Variants in AKAP12 observed in about 807,000 individuals in gnomAD.
The protein encoded by AKAP12 is A-kinase anchoring protein 12.
Under a neutral mutation model 79.9 loss-of-function variants are expected in AKAP12, and 32 were observed. That is an observed-to-expected ratio of 0.40 (90% CI 0.30 to 0.54). The LOEUF is 0.54. Ranked by LOEUF, AKAP12 falls within the 20% of genes least tolerant of loss-of-function variation. The pLI is 0.48. For synonymous variants in AKAP12, 808 were observed against 857.0 expected (o/e 0.94, Z 1.00); for missense variants, 2,074 against 2,177.0 (o/e 0.95, Z 0.94).
intron 2 of AKAP12, among the ~76,000 whole-genome samples, chr6:151,284,866 A>G (rs1182670244): frequency 1.3e-5 from 2 of 152,168 alleles, no homozygotes; most frequent in African/African-American, 4.8e-5. Flanking sequence ...TGACATAGGA[A>G]CCCATCACAG....
At chr6:151,345,061 T>C (rs1778053168) in intron 3 of AKAP12, among the ~76,000 whole-genome samples, 1 of 152,122 alleles carries the variant, frequency 6.6e-6, no homozygotes, top group African/African-American at 2.4e-5. Flanking sequence ...CTAAGTCTTG[T>C]TGTATGTACT....
chr6:151,323,968 T>A, intron 3 of AKAP12: 1 of 985,314 alleles, frequency 1.0e-6, no homozygotes, highest in African/African-American at 1.7e-5. Context: ...TAGACCCTGA[T>A]GCAACATCCC....
At chr6:151,342,203 G>A (rs530224447) in intron 3 of AKAP12, among the ~76,000 whole-genome samples, 1 of 152,374 alleles carries the variant, frequency 6.6e-6, no homozygotes, top group South Asian at 2.1e-4. Flanking sequence ...GTGGGACGCA[G>A]AACAGAATGG....
At chr6:151,265,196 T>A in intron 2 of AKAP12, among the ~76,000 whole-genome samples, 1 of 147,506 alleles carries the variant, frequency 6.8e-6, no homozygotes. Context: ...GTTAAATTTA[T>A]ACATGTAAAT....
intron 2 of AKAP12, among the ~76,000 whole-genome samples, chr6:151,293,186 T>G (rs375694821): frequency 6.6e-6 from 1 of 152,232 alleles, no homozygotes; most frequent in Non-Finnish European, 1.5e-5. Context: ...GTAATTATTT[T>G]ACTACCAAAT....
At chr6:151,268,818 A>G (rs1252845557) in intron 2 of AKAP12, among the ~76,000 whole-genome samples, 1 of 151,436 alleles carries the variant, frequency 6.6e-6, no homozygotes, top group Non-Finnish European at 1.5e-5. Flanking sequence ...TAATTTTTGT[A>G]TTTTTTGTAG....
At chr6:151,267,302 T>C (rs1339396465) in intron 2 of AKAP12, among the ~76,000 whole-genome samples, 1 of 152,232 alleles carries the variant, frequency 6.6e-6, no homozygotes, top group African/African-American at 2.4e-5. Flanking sequence ...AATAGACTCT[T>C]ATGCCATATT....
intron 2 of AKAP12, among the ~76,000 whole-genome samples, chr6:151,257,098 T>TGTTA (rs1797317747): frequency 6.6e-6 from 1 of 152,104 alleles, no homozygotes; most frequent in Admixed American, 6.6e-5. Context: ...TGTGCAGGTT[T>TGTTA]GTTAGCTAGG....
At chr6:151,330,965 G>T (rs148295622) in intron 3 of AKAP12, among the ~76,000 whole-genome samples, 4 of 152,258 alleles carry the variant, frequency 2.6e-5, no homozygotes, top group Non-Finnish European at 5.9e-5. Context: ...GGAGATTATG[G>T]AGATTTTCGA....
chr6:151,330,491 A>G (rs187095319), intron 3 of AKAP12, among the ~76,000 whole-genome samples: 146 of 152,296 alleles, frequency 9.6e-4, no homozygotes, highest in African/African-American at 3.4e-3. Flanking sequence ...TTCCAGGACA[A>G]TGCTACGAAT....
chr6:151,329,926 A>G (rs1283957317), intron 3 of AKAP12, among the ~76,000 whole-genome samples: 2 of 152,212 alleles, frequency 1.3e-5, no homozygotes, highest in Admixed American at 1.3e-4. Context: ...GTACCTTGCA[A>G]AAGACCTCTT....
intron 2 of AKAP12, among the ~76,000 whole-genome samples, chr6:151,262,388 G>A (rs1291922706): frequency 6.6e-6 from 1 of 152,152 alleles, no homozygotes; most frequent in Non-Finnish European, 1.5e-5. Context: ...CACGTAGTGC[G>A]GTGTCATGGC....
At chr6:151,326,503 A>G (rs73780624) in intron 3 of AKAP12, among the ~76,000 whole-genome samples, 19 of 149,274 alleles carry the variant, frequency 1.3e-4, no homozygotes, top group Non-Finnish European at 1.9e-4. Context: ...AAAAAAAAAA[A>G]AAAGAAAAAA....
chr6:151,344,854 T>C (rs1391210781), intron 3 of AKAP12, among the ~76,000 whole-genome samples: 1 of 152,092 alleles, frequency 6.6e-6, no homozygotes, highest in Non-Finnish European at 1.5e-5. Flanking sequence ...TTTAACTTTC[T>C]GGGGTTCAGT....
At chr6:151,293,297 C>T (rs920373469) in intron 2 of AKAP12, among the ~76,000 whole-genome samples, 2 of 152,198 alleles carry the variant, frequency 1.3e-5, no homozygotes, top group African/African-American at 4.8e-5. Flanking sequence ...TTGACTTGCA[C>T]GTATGCTGTA....
At chr6:151,264,020 C>G (rs1339383225) in intron 2 of AKAP12, among the ~76,000 whole-genome samples, 2 of 152,336 alleles carry the variant, frequency 1.3e-5, no homozygotes, top group South Asian at 4.1e-4. Context: ...CAAATCTACA[C>G]TGTCTGTTCT....
In AKAP12 at chr6:151,262,726, C is replaced by T. The variant is rs150669589; in HGVS notation, c.162+22002C>T. Among the ~76,000 whole-genome samples the T allele has an allele frequency of 5.2e-3, 789 of 152,196 alleles. 6 individuals are homozygous for T. Among genetic ancestry groups the T allele is most frequent in the Middle Eastern group, 0.041 (12 of 292 alleles). ...CTTTGTTTTTCTTCTTCCCTCCCCACCCCCAAAAAGAAGAAAATTCCTAAA... is the reference window on the plus strand; with the variant it reads ...CTTTGTTTTTCTTCTTCCCTCCCCATCCCCAAAAAGAAGAAAATTCCTAAA... On this transcript the variant is annotated intron_variant, in intron 2 of 4. Transcript: ENST00000402676.
At chr6:151,334,423 A>T (rs1777757006) in intron 3 of AKAP12, among the ~76,000 whole-genome samples, 1 of 151,854 alleles carries the variant, frequency 6.6e-6, no homozygotes, top group East Asian at 2.0e-4. Context: ...GCTAAACCCC[A>T]TCTCTACTAA....
chr6:151,285,868 T>C (rs1158201499), intron 2 of AKAP12, among the ~76,000 whole-genome samples: 1 of 147,732 alleles, frequency 6.8e-6, no homozygotes, highest in Non-Finnish European at 1.5e-5. Context: ...GATTATCTTC[T>C]GGAGGTGATA....
Sources: allele counts gnomAD v4.1 joint callset (sites outside exome capture counted in the v4.1 genomes callset), GRCh38; gene constraint gnomAD v4.1.1; transcripts MANE v1.5; gene names NCBI Gene and HGNC (gene_info 2026-07-23, HGNC 2026-07-21).